FABP7: variants seen among roughly 807,000 people sequenced by gnomAD.
FABP7 encodes fatty acid binding protein 7, also known as fatty acid-binding protein, brain.
Under a neutral mutation model 14.2 loss-of-function variants are expected in FABP7, and 13 were observed. That is an observed-to-expected ratio of 0.91 (90% CI 0.59 to 1.45). The LOEUF (loss-of-function observed/expected upper bound fraction) is 1.45, where lower values mean the gene tolerates loss of function less well. Among genes scored for constraint, FABP7 ranks in the 40% most tolerant of loss-of-function variants. The pLI is 0.00. For missense variants in FABP7, 149 were observed against 157.6 expected, an observed-to-expected ratio of 0.95 and a Z score of 0.29; for synonymous variants, 49 against 51.4, an observed-to-expected ratio of 0.95 and a Z score of 0.20.
At chr6:122,758,105 CTTTT>C in the FABP7 span, among the ~76,000 whole-genome samples, 1 of 118,376 alleles carries the variant, frequency 8.4e-6, no homozygotes, top group Admixed American at 9.7e-5. Flanking sequence ...TATTATCTAG[CTTTT>C]TTTTTTTTTT....
chr6:122,772,232 T>C, the FABP7 span, among the ~76,000 whole-genome samples: 1 of 152,076 alleles, frequency 6.6e-6, no homozygotes, highest in Non-Finnish European at 1.5e-5. Context: ...AGAAGGAAGG[T>C]CCTGGGACTT....
the FABP7 span, among the ~76,000 whole-genome samples, chr6:122,754,452 C>G: frequency 3.9e-5 from 6 of 152,220 alleles, no homozygotes; most frequent in South Asian, 1.0e-3. Flanking sequence ...AGCTCTCAGA[C>G]GCTTCCAACT....
chr6:122,766,570 G>T, the FABP7 span, among the ~76,000 whole-genome samples: 1 of 151,990 alleles, frequency 6.6e-6, no homozygotes, highest in Non-Finnish European at 1.5e-5. Flanking sequence ...ATGATAAAGA[G>T]CATATAACCC....
intron 3 of FABP7, chr6:122,783,309 G>A: frequency 1.0e-6 from 1 of 985,306 alleles, no homozygotes; most frequent in Non-Finnish European, 1.2e-6. Flanking sequence ...CAAATGACTG[G>A]ATTTTCTAAT....
chr6:122,783,060 A>G (rs9490549), intron 3 of FABP7: 412,771 of 985,090 alleles, frequency 0.42, 87,110 homozygotes, highest in African/African-American at 0.44. Context: ...ACTCCTGAAC[A>G]TCACATCAAT....
At chr6:122,773,105 A>G in the FABP7 span, among the ~76,000 whole-genome samples, 2 of 152,184 alleles carry the variant, frequency 1.3e-5, no homozygotes, top group Non-Finnish European at 2.9e-5. Context: ...AGATTTCCCT[A>G]TTATCTAAGG....
At chr6:122,757,290 T>A in the FABP7 span, among the ~76,000 whole-genome samples, 6 of 152,168 alleles carry the variant, frequency 3.9e-5, no homozygotes, top group Admixed American at 1.3e-4. Flanking sequence ...ATTCAATCAG[T>A]TCTCCAGCCA....
chr6:122,760,775 A>G, the FABP7 span, among the ~76,000 whole-genome samples: 4 of 152,252 alleles, frequency 2.6e-5, no homozygotes, highest in African/African-American at 7.2e-5. Context: ...ATGATATTTA[A>G]ATCAAACAAT....
At position 122,781,162 on chromosome 6, in the gene FABP7, G is replaced by GT. The variant is rs753668545; in HGVS notation, c.317dup (p.Arg107LysfsTer4). On this transcript the variant is annotated frameshift_variant, in exon 3 of 4. Transcript: ENST00000368444. LOFTEE classifies it high-confidence loss of function. ...ATGGGATGGCAAAGAAACAAATTTTGTAAGAGAAATTAAGGATGGCAAAAT... is the reference window on the plus strand; with the variant it reads ...ATGGGATGGCAAAGAAACAAATTTTGTTAAGAGAAATTAAGGATGGCAAAAT... 8.7e-6 allele frequency: 14 copies of GT among 1,613,830 alleles called. No individual in the cohort carries two copies. Among genetic ancestry groups the GT allele is most frequent in the Non-Finnish European group, 1.0e-5 (12 of 1,179,930 alleles).
chr6:122,766,901 T>C, the FABP7 span, among the ~76,000 whole-genome samples: 1 of 152,004 alleles, frequency 6.6e-6, no homozygotes, highest in Non-Finnish European at 1.5e-5. Context: ...TTACAAATAA[T>C]AGAATAGTGT....
At chr6:122,754,891 TC>T in the FABP7 span, among the ~76,000 whole-genome samples, 2 of 152,078 alleles carry the variant, frequency 1.3e-5, no homozygotes, top group Non-Finnish European at 2.9e-5. Context: ...TTCCCTGGTG[TC>T]CCTTTCAATT....
chr6:122,777,762 T>A (rs1234191990), upstream of FABP7, among the ~76,000 whole-genome samples: 20 of 151,888 alleles, frequency 1.3e-4, no homozygotes, highest in Non-Finnish European at 5.9e-5. Context: ...TGTGGGAGGA[T>A]CACTTGAGTC....
the FABP7 span, among the ~76,000 whole-genome samples, chr6:122,771,406 A>T: frequency 2.4e-4 from 36 of 152,294 alleles, no homozygotes; most frequent in African/African-American, 8.7e-4. Context: ...CTACCTGTTA[A>T]TCATTGCTCA....
the FABP7 span, among the ~76,000 whole-genome samples, chr6:122,761,369 C>T: frequency 6.6e-6 from 1 of 152,154 alleles, no homozygotes; most frequent in Non-Finnish European, 1.5e-5. Context: ...CAGACCATTA[C>T]TTATATGCTA....
intron 1 of FABP7, among the ~76,000 whole-genome samples, 164 bp downstream of exon 1, chr6:122,780,031 A>G (rs575350565): frequency 1.3e-5 from 2 of 152,328 alleles, no homozygotes; most frequent in South Asian, 4.1e-4. Context: ...TTAATGTGGC[A>G]CTTGCTTGCC....
the FABP7 span, among the ~76,000 whole-genome samples, chr6:122,751,101 T>C: frequency 1.0e-3 from 154 of 152,250 alleles, no homozygotes; most frequent in Non-Finnish European, 1.7e-3. Flanking sequence ...TAAATTTTTT[T>C]CTTTGAGTTC....
At chr6:122,768,547 A>C in the FABP7 span, among the ~76,000 whole-genome samples, 1 of 152,148 alleles carries the variant, frequency 6.6e-6, no homozygotes, top group Non-Finnish European at 1.5e-5. Context: ...GAGTTGGAGA[A>C]AGTAAGGAAA....
At chr6:122,769,475 C>T in the FABP7 span, among the ~76,000 whole-genome samples, 10 of 152,050 alleles carry the variant, frequency 6.6e-5, no homozygotes, top group South Asian at 2.1e-4. Context: ...TATATGTTTA[C>T]GTAGCATCAT....
chr6:122,780,276 C>T lies in FABP7; in HGVS notation c.74-15C>T, dbSNP rs1780750966. 4 of 1,613,824 alleles carry T rather than the reference C, an allele frequency of 2.5e-6. No homozygotes were observed. In the East Asian group the frequency reaches 8.9e-5, roughly 36 times the overall value. ...GAAGTCGCTGCAGACTGTACTGTTC[C>T]CTTTGCTATTTTAGGCGTGGGCTTT... On this transcript the variant is annotated splice_polypyrimidine_tract_variant and intron_variant, in intron 1 of 3. Coordinates refer to ENST00000368444, the MANE Select transcript of FABP7 (RefSeq NM_001446.5).
Sources: allele counts gnomAD v4.1 joint callset (sites outside exome capture counted in the v4.1 genomes callset), GRCh38; gene constraint gnomAD v4.1.1; transcripts MANE v1.5; gene names NCBI Gene and HGNC (gene_info 2026-07-23, HGNC 2026-07-21).